Variants in CHSY3 observed in about 807,000 individuals in gnomAD.
The protein encoded by CHSY3 is N-acetylgalactosaminyl-proteoglycan 3-beta-glucuronosyltransferase 3.
Under a neutral mutation model 67.2 loss-of-function variants are expected in CHSY3, and 35 were observed. The ratio of observed to expected loss-of-function variants is 0.52; its 90% confidence interval spans 0.40 to 0.69. The LOEUF (loss-of-function observed/expected upper bound fraction) is 0.69, where lower values mean the gene tolerates loss of function less well. Among genes scored for constraint, CHSY3 ranks in the 30% least tolerant of loss-of-function variants. The pLI is 0.00. For missense variants in CHSY3, 1,069 were observed against 1,138.5 expected, an observed-to-expected ratio of 0.94 and a Z score of 0.88; for synonymous variants, 474 against 434.7, an observed-to-expected ratio of 1.09 and a Z score of -1.12.
At chr5:130,178,227 T>TTATATA (rs1554088379) in intron 2 of CHSY3, among the ~76,000 whole-genome samples, 1,167 of 65,648 alleles carry the variant, frequency 0.018, 58 homozygotes, top group Non-Finnish European at 0.023. Flanking sequence ...ATATTTATAT[T>TTATATA]TATATATATA....
At chr5:129,907,961 A>T in intron 1 of CHSY3, 116 bp from the exon 2 acceptor site, 4 of 1,453,606 alleles carry the variant, frequency 2.8e-6, no homozygotes, top group African/African-American at 1.4e-5. Flanking sequence ...TCTTCTTTTC[A>T]GTTGTGTAAG....
chr5:130,089,105 A>T (rs1224124523), intron 2 of CHSY3, among the ~76,000 whole-genome samples: 1 of 151,726 alleles, frequency 6.6e-6, no homozygotes, highest in Non-Finnish European at 1.5e-5. Flanking sequence ...CATCATTCTC[A>T]GTAAACTATT....
chr5:130,146,345 A>G (rs1769073162), intron 2 of CHSY3, among the ~76,000 whole-genome samples: 1 of 152,186 alleles, frequency 6.6e-6, no homozygotes, highest in Non-Finnish European at 1.5e-5. Flanking sequence ...GAAATAAGCA[A>G]GCTACAGAAA....
At chr5:130,006,634 G>C (rs1029783391) in intron 2 of CHSY3, among the ~76,000 whole-genome samples, 1 of 152,162 alleles carries the variant, frequency 6.6e-6, no homozygotes. Context: ...TAACACATCA[G>C]CAAAAGTGGT....
chr5:130,085,294 A>G (rs1308362751), intron 2 of CHSY3, among the ~76,000 whole-genome samples: 1 of 152,100 alleles, frequency 6.6e-6, no homozygotes, highest in Admixed American at 6.6e-5. Flanking sequence ...TGATCAAATA[A>G]TGATATGAAT....
chr5:130,115,572 A>T (rs1336353072), intron 2 of CHSY3, among the ~76,000 whole-genome samples: 1 of 152,172 alleles, frequency 6.6e-6, no homozygotes, highest in Non-Finnish European at 1.5e-5. Context: ...CTTTAAATGT[A>T]TTTATTAAAC....
At chr5:130,001,681 A>C in intron 2 of CHSY3, 1 of 715,038 alleles carries the variant, frequency 1.4e-6, no homozygotes. Flanking sequence ...CTGCGTCTTG[A>C]CTATTCACAA....
chr5:130,060,646 A>G (rs1340798774), intron 2 of CHSY3, among the ~76,000 whole-genome samples: 3 of 152,144 alleles, frequency 2.0e-5, no homozygotes, highest in Non-Finnish European at 4.4e-5. Flanking sequence ...TGACATGATT[A>G]TACACCTAGA....
intron 2 of CHSY3, among the ~76,000 whole-genome samples, chr5:129,973,827 C>A (rs1762714291): frequency 6.6e-6 from 1 of 152,088 alleles, no homozygotes; most frequent in South Asian, 2.1e-4. Flanking sequence ...CTTGACAAAA[C>A]CCAGACTCCA....
chr5:129,952,963 T>C (rs1762065264), intron 2 of CHSY3, among the ~76,000 whole-genome samples: 2 of 152,132 alleles, frequency 1.3e-5, no homozygotes. Context: ...TGACTGAAAA[T>C]TGTGTAGTAT....
intron 2 of CHSY3, among the ~76,000 whole-genome samples, chr5:129,958,060 T>C (rs186454134): frequency 3.9e-4 from 59 of 152,298 alleles, no homozygotes; most frequent in Admixed American, 2.9e-3. Flanking sequence ...TTTTAAAATG[T>C]GAATTTTTAA....
intron 2 of CHSY3, among the ~76,000 whole-genome samples, chr5:130,021,218 A>G (rs1171418876): frequency 1.3e-5 from 2 of 152,202 alleles, no homozygotes; most frequent in African/African-American, 4.8e-5. Context: ...CATTATTTAC[A>G]AAGTCTTAGC....
chr5:129,922,471 T>G (rs1760957042), intron 2 of CHSY3, among the ~76,000 whole-genome samples: 1 of 152,248 alleles, frequency 6.6e-6, no homozygotes, highest in Non-Finnish European at 1.5e-5. Flanking sequence ...AAGGGTTCCC[T>G]TTTCTCCACA....
intron 2 of CHSY3, among the ~76,000 whole-genome samples, chr5:129,943,606 G>A (rs1228623378): frequency 6.6e-6 from 1 of 152,112 alleles, no homozygotes; most frequent in African/African-American, 2.4e-5. Flanking sequence ...CATGATCCTT[G>A]AGAATTTTTT....
chr5:130,122,645 G>A (rs1768079692), intron 2 of CHSY3, among the ~76,000 whole-genome samples: 1 of 152,160 alleles, frequency 6.6e-6, no homozygotes, highest in African/African-American at 2.4e-5. Context: ...GTTAGGATAA[G>A]GGTAGTGTTG....
chr5:130,040,024 T>A (rs767260150), intron 2 of CHSY3, among the ~76,000 whole-genome samples: 4 of 152,198 alleles, frequency 2.6e-5, no homozygotes, highest in Non-Finnish European at 4.4e-5. Context: ...GTAAAATTAA[T>A]TTATTCCATG....
Position 129,943,954 on chromosome 5 carries a change from A to G in CHSY3, c.1086+35594A>G, listed in dbSNP as rs138771433. 3.8e-3 allele frequency among the ~76,000 whole-genome samples: 572 copies of G among 152,332 alleles called. 6 individuals carry two copies. The highest frequency in any genetic ancestry group is 0.013 in the African/African-American group (541 of 41,582). ...CACACAAGTGTGAGTGTTGTAGTAA[A>G]GTTGAATGGATGCCCTTCTACTATT... is the stretch of plus-strand genomic sequence containing the variant. On this transcript the variant is annotated intron_variant, in intron 2 of 2. Coordinates refer to ENST00000305031, the MANE Select transcript of CHSY3 (RefSeq NM_175856.5).
In CHSY3 at chr5:130,077,003, C is replaced by T. The variant is rs563017824; in HGVS notation, c.1087-107226C>T. Among the ~76,000 whole-genome samples the T allele has an allele frequency of 1.1e-4, 16 of 150,554 alleles. No homozygotes were observed. In the South Asian group the frequency reaches 2.7e-3, roughly 26 times the overall value. On this transcript the variant is annotated intron_variant, in intron 2 of 2. Coordinates refer to ENST00000305031, the MANE Select transcript of CHSY3 (RefSeq NM_175856.5). ...AGGAGATATACCTAATGCTAAATGA[C>T]GAGTTAATGGGTGCAGCACACCAGC...
In CHSY3 at chr5:129,908,288, G is replaced by T; in HGVS notation, c.1014G>T (p.Thr338=). 6.2e-7 allele frequency: 1 copy of T among 1,614,112 alleles called. No homozygotes were observed. Among genetic ancestry groups the T allele is most frequent in the African/African-American group, 1.3e-5 (1 of 75,036 alleles). The change falls in exon 2 of 3, where the codon ACG becomes ACT. Residue 338 remains threonine (T), a synonymous_variant. Transcript: ENST00000305031. ...GTGAATGCCTTAGAGAAATGTACAC[G>T]ACTCATGAGGATGTGGAAGTAGGAA... ...HIGECLREMY[T]THEDVEVGRC...
Sources: allele counts gnomAD v4.1 joint callset (sites outside exome capture counted in the v4.1 genomes callset), GRCh38; gene constraint gnomAD v4.1.1; transcripts MANE v1.5; gene names NCBI Gene and HGNC (gene_info 2026-07-23, HGNC 2026-07-21).